RYR2: variants seen among roughly 807,000 people sequenced by gnomAD.
RYR2 encodes ryanodine receptor 2.
In RYR2, 227 loss-of-function variants were observed where a neutral mutation model predicts 601.1. The ratio of observed to expected loss-of-function variants is 0.38; its 90% CI spans 0.34 to 0.42. The LOEUF is 0.42. RYR2 is among the 10% of genes least tolerant of loss of function. RYR2 has a pLI of 1.00. For synonymous variants in RYR2, 2,223 were observed against 2,175.1 expected, an observed-to-expected ratio of 1.02 and a Z score of -0.61; for missense variants, 4,646 against 6,156.5, an observed-to-expected ratio of 0.75 and a Z score of 8.21.
At chr1:237,329,021 C>G (rs370414759) in intron 2 of RYR2, among the ~76,000 whole-genome samples, 1 of 151,940 alleles carries the variant, frequency 6.6e-6, no homozygotes, top group East Asian at 1.9e-4. Context: ...CTTGTCTAAG[C>G]GAAAGCATAC....
At chr1:237,474,320 T>C (rs1016881388) in intron 17 of RYR2, among the ~76,000 whole-genome samples, 1 of 150,858 alleles carries the variant, frequency 6.6e-6, no homozygotes, top group East Asian at 2.0e-4. Flanking sequence ...TACATACATA[T>C]GTACATGCAT....
chr1:237,498,868 AT>A (rs977143638), intron 20 of RYR2, among the ~76,000 whole-genome samples: 4 of 151,950 alleles, frequency 2.6e-5, no homozygotes, highest in African/African-American at 9.7e-5. Flanking sequence ...AATTTTATTC[AT>A]TTTTTTTAAA....
intron 58 of RYR2, among the ~76,000 whole-genome samples, chr1:237,668,423 G>T (rs1478636370): frequency 6.6e-6 from 1 of 151,984 alleles, no homozygotes; most frequent in Admixed American, 6.5e-5. Context: ...TATTTCTCAA[G>T]TCTTTTAAAA....
intron 9 of RYR2, among the ~76,000 whole-genome samples, 177 bp from the exon 10 acceptor site, chr1:237,387,910 C>T (rs916067705): frequency 1.3e-4 from 20 of 149,474 alleles, no homozygotes; most frequent in South Asian, 4.3e-4. Context: ...GGGACTCGGG[C>T]ACCCAGGACT....
chr1:237,352,830 T>G (rs746550402), intron 3 of RYR2: 3 of 511,974 alleles, frequency 5.9e-6, no homozygotes. Context: ...GGGAAAAGAT[T>G]TATTTTTTAA....
chr1:237,379,741 C>T (rs773866355), intron 8 of RYR2, among the ~76,000 whole-genome samples: 3 of 152,116 alleles, frequency 2.0e-5, no homozygotes, highest in South Asian at 4.1e-4. Context: ...GTCAGCCTCC[C>T]GAGTGGCTGG....
At chr1:237,220,421 G>C (rs1273009795) in intron 1 of RYR2, among the ~76,000 whole-genome samples, 1 of 152,188 alleles carries the variant, frequency 6.6e-6, no homozygotes, top group Non-Finnish European at 1.5e-5. Context: ...CCTTGCTTCT[G>C]AGGCTGCCAG....
chr1:237,136,735 G>C (rs1438532145), intron 1 of RYR2, among the ~76,000 whole-genome samples: 1 of 152,260 alleles, frequency 6.6e-6, no homozygotes, highest in East Asian at 1.9e-4. Context: ...TGCTGAGCAG[G>C]CTGGGTGTGG....
chr1:237,377,467 T>G lies in RYR2; in HGVS notation c.576+32T>G. 4.1e-6 allele frequency: 6 copies of G among 1,469,572 alleles called. No individual in the cohort carries two copies. In the South Asian group the frequency reaches 6.8e-5, roughly 17 times the overall value. 91.0% of individuals were successfully genotyped at this position (1,469,572 alleles called of 1,614,324 possible). A position where few individuals can be genotyped will look rare whatever the true frequency, so the allele number is the denominator to read the frequency against. On this transcript the variant is annotated intron_variant, in intron 8 of 104. Coordinates refer to ENST00000366574, the MANE Select transcript of RYR2 (RefSeq NM_001035.3). Reference sequence around the variant, plus strand: ...GTGGAAAGTAGGATCATGTATCTGCTGATATGCTAAATGACAAGTCAATAA... The same window carrying G: ...GTGGAAAGTAGGATCATGTATCTGCGGATATGCTAAATGACAAGTCAATAA...
intron 2 of RYR2, among the ~76,000 whole-genome samples, chr1:237,284,799 G>A (rs574723862): frequency 5.3e-5 from 8 of 151,854 alleles, no homozygotes; most frequent in Middle Eastern, 3.4e-3. Flanking sequence ...TATTGTAAAA[G>A]GGGTCGAGTT....
chr1:237,239,949 G>A (rs1685971398), intron 1 of RYR2, among the ~76,000 whole-genome samples: 1 of 152,094 alleles, frequency 6.6e-6, no homozygotes, highest in East Asian at 1.9e-4. Context: ...GAAGAAGTTT[G>A]GATAAAAGAA....
chr1:237,758,933 T>C (rs142815656), intron 82 of RYR2, among the ~76,000 whole-genome samples: 42 of 152,286 alleles, frequency 2.8e-4, no homozygotes, highest in Admixed American at 7.8e-4. Flanking sequence ...TGACCATAGA[T>C]TCTGGACGTC....
intron 1 of RYR2, among the ~76,000 whole-genome samples, chr1:237,257,358 G>A (rs1688095324): frequency 6.6e-6 from 1 of 152,124 alleles, no homozygotes; most frequent in South Asian, 2.1e-4. Flanking sequence ...CGTCGCTTCT[G>A]TGCCAGATGC....
At chr1:237,651,070 G>A (rs1682683708) in intron 50 of RYR2, among the ~76,000 whole-genome samples, 1 of 152,106 alleles carries the variant, frequency 6.6e-6, no homozygotes, top group Non-Finnish European at 1.5e-5. Flanking sequence ...CCATTGGAAT[G>A]AGGGAAGAGA....
rs201916326 is a variant in RYR2, at chr1:237,602,033, G to A, written c.4605G>A (p.Pro1535=). 3,325 of 1,611,458 alleles carry A rather than the reference G, an allele frequency of 2.1e-3. 30 individuals carry two copies. The highest frequency in any genetic ancestry group is 0.015 in the South Asian group (1,328 of 90,620). ...KELSTYYQVE[P]STKLFPAVFA... ...CATTAAATGTATTTCAGGTGGAACCGAGTACAAAATTATTTCCTGCGGTTT... is the reference window on the plus strand; with the variant it reads ...CATTAAATGTATTTCAGGTGGAACCAAGTACAAAATTATTTCCTGCGGTTT... Residue 1535 remains proline (P), a synonymous_variant, in exon 35 of 105, where the codon CCG becomes CCA. Coordinates refer to ENST00000366574, the MANE Select transcript of RYR2 (RefSeq NM_001035.3).
At chr1:237,254,426 A>G (rs1687755115) in intron 1 of RYR2, among the ~76,000 whole-genome samples, 1 of 152,258 alleles carries the variant, frequency 6.6e-6, no homozygotes, top group South Asian at 2.1e-4. Context: ...GAGCTTATGC[A>G]ATAAACCAGT....
intron 79 of RYR2, among the ~76,000 whole-genome samples, chr1:237,741,123 C>G (rs937035780): frequency 2.0e-5 from 3 of 152,158 alleles, no homozygotes; most frequent in African/African-American, 7.2e-5. Flanking sequence ...TGCGTCCCCA[C>G]CTTTATTTCC....
chr1:237,404,136 T>G (rs1369290686), intron 10 of RYR2, among the ~76,000 whole-genome samples: 1 of 152,036 alleles, frequency 6.6e-6, no homozygotes, highest in African/African-American at 2.4e-5. Flanking sequence ...CACCTGTAGT[T>G]CTACATAATC....
intron 97 of RYR2, among the ~76,000 whole-genome samples, chr1:237,800,706 T>G (rs1462838811): frequency 6.6e-6 from 1 of 152,236 alleles, no homozygotes; most frequent in African/African-American, 2.4e-5. Flanking sequence ...ATTTCTAGCC[T>G]ATAAATCAGT....
Sources: gnomAD v4.1 joint callset for allele counts (sites outside exome capture counted in the v4.1 genomes callset) on GRCh38, gnomAD v4.1.1 for gene constraint, MANE v1.5 for transcripts, NCBI Gene and HGNC (gene_info 2026-07-23, HGNC 2026-07-21) for gene names.